Variants in TRAPPC9 observed in about 807,000 individuals in gnomAD.
The protein encoded by TRAPPC9 is IKK2 binding protein.
A neutral mutation model predicts 124.0 loss-of-function variants in TRAPPC9; 83 were observed. The ratio of observed to expected loss-of-function variants is 0.67; its 90% CI spans 0.56 to 0.80. The LOEUF (loss-of-function observed/expected upper bound fraction) is 0.80. Among genes scored for constraint, TRAPPC9 ranks in the 30% least tolerant of loss-of-function variants. TRAPPC9 has a pLI of 0.00. For synonymous variants in TRAPPC9, 638 were observed against 617.5 expected (o/e 1.03, Z -0.49); for missense variants, 1,302 against 1,508.3 (o/e 0.86, Z 2.27).
chr8:140,099,660 G>C (rs900452795), intron 17 of TRAPPC9: 2 of 149,952 alleles, frequency 1.3e-5, no homozygotes, highest in Non-Finnish European at 2.9e-5. Context: ...CTGCAAGGGA[G>C]ACACCCAGCT....
chr8:139,890,834 CTT>C (rs1247043207), intron 20 of TRAPPC9, among the ~76,000 whole-genome samples: 2 of 150,416 alleles, frequency 1.3e-5, no homozygotes, highest in Non-Finnish European at 3.0e-5. Flanking sequence ...TACCCTAAAA[CTT>C]AAAGTATAAT....
At chr8:140,157,351 C>T (rs1333026047) in intron 17 of TRAPPC9, among the ~76,000 whole-genome samples, 1 of 122,874 alleles carries the variant, frequency 8.1e-6, no homozygotes, top group Non-Finnish European at 1.7e-5. Flanking sequence ...CATTCAGAAG[C>T]CTCCCTTTTC....
intron 17 of TRAPPC9, among the ~76,000 whole-genome samples, chr8:140,053,302 C>T (rs1842106942): frequency 6.6e-6 from 1 of 152,200 alleles, no homozygotes; most frequent in African/African-American, 2.4e-5. Context: ...CTACCAGCAC[C>T]AGGATGAGGC....
At chr8:139,877,625 G>A (rs917462953) in intron 21 of TRAPPC9, among the ~76,000 whole-genome samples, 1 of 152,190 alleles carries the variant, frequency 6.6e-6, no homozygotes, top group Non-Finnish European at 1.5e-5. Context: ...CCCAGAAGCA[G>A]GGAGATTCTG....
chr8:140,408,091 T>C (rs531440021), intron 5 of TRAPPC9, among the ~76,000 whole-genome samples: 110 of 152,338 alleles, frequency 7.2e-4, no homozygotes, highest in African/African-American at 2.6e-3. Flanking sequence ...GAAACACTAG[T>C]AAGCCATAGA....
At chr8:140,438,944 C>T (rs1263344494) in intron 3 of TRAPPC9, 108 bp downstream of exon 3, 24 of 1,420,126 alleles carry the variant, frequency 1.7e-5, no homozygotes, top group Non-Finnish European at 5.0e-6. Context: ...CCTGCCGTAG[C>T]CTCCCAAAGT....
At chr8:140,168,711 C>T (rs990228604) in intron 17 of TRAPPC9, among the ~76,000 whole-genome samples, 3 of 152,208 alleles carry the variant, frequency 2.0e-5, no homozygotes, top group Admixed American at 6.5e-5. Flanking sequence ...AGAGGTGGTG[C>T]TGCCTGAGTG....
chr8:140,021,354 C>T (rs145138487), intron 18 of TRAPPC9, among the ~76,000 whole-genome samples: 5 of 152,314 alleles, frequency 3.3e-5, no homozygotes, highest in African/African-American at 1.2e-4. Context: ...TTGCATATAA[C>T]ACAAGAATTT....
At chr8:140,274,499 G>C (rs981047055) in intron 15 of TRAPPC9, among the ~76,000 whole-genome samples, 5 of 152,228 alleles carry the variant, frequency 3.3e-5, no homozygotes, top group African/African-American at 4.8e-5. Context: ...CGGACGCAAA[G>C]CTTCGTGCTT....
intron 21 of TRAPPC9, among the ~76,000 whole-genome samples, chr8:139,862,857 T>C (rs948691437): frequency 5.9e-5 from 9 of 152,190 alleles, no homozygotes. Flanking sequence ...GCCGTGTCCT[T>C]CCCACAGCCT....
At chr8:139,846,173 G>A (rs575390313) in intron 21 of TRAPPC9, among the ~76,000 whole-genome samples, 4 of 152,366 alleles carry the variant, frequency 2.6e-5, no homozygotes, top group Non-Finnish European at 4.4e-5. Flanking sequence ...TCGGCTTGGT[G>A]CCGGAAGCGG....
At chr8:139,835,385 C>A (rs546260979) in intron 21 of TRAPPC9, among the ~76,000 whole-genome samples, 15 of 152,366 alleles carry the variant, frequency 9.8e-5, no homozygotes, top group African/African-American at 3.1e-4. Context: ...CGCTGCTCTG[C>A]GACTCTGCAG....
chr8:140,346,621 T>C (rs1441443494), intron 9 of TRAPPC9, among the ~76,000 whole-genome samples: 2 of 152,188 alleles, frequency 1.3e-5, no homozygotes, highest in Non-Finnish European at 2.9e-5. Flanking sequence ...TCACATAATA[T>C]CAGATCAATA....
At chr8:140,060,715 G>C (rs1005717101) in intron 17 of TRAPPC9, among the ~76,000 whole-genome samples, 4 of 152,246 alleles carry the variant, frequency 2.6e-5, no homozygotes, top group African/African-American at 9.6e-5. Context: ...TTTATTTCTG[G>C]GGGGAGGAAG....
At chr8:139,827,134 T>G (rs1156256466) in intron 21 of TRAPPC9, among the ~76,000 whole-genome samples, 1 of 152,126 alleles carries the variant, frequency 6.6e-6, no homozygotes, top group Admixed American at 6.5e-5. Flanking sequence ...GGGAAGGCAC[T>G]TGCCCCACAG....
chr8:140,282,332 A>T (rs1164407922), intron 14 of TRAPPC9, among the ~76,000 whole-genome samples: 2 of 152,046 alleles, frequency 1.3e-5, no homozygotes, highest in African/African-American at 4.8e-5. Flanking sequence ...GCAAAATCCC[A>T]TCTCTACTAA....
chr8:139,957,234 G>T (rs59638288), intron 19 of TRAPPC9, among the ~76,000 whole-genome samples: 310 of 152,356 alleles, frequency 2.0e-3, no homozygotes, highest in African/African-American at 7.0e-3. Context: ...ACCTGGGAGG[G>T]TGCCATGAGC....
chr8:140,355,560 A>C (rs1404170678), intron 9 of TRAPPC9, among the ~76,000 whole-genome samples: 1 of 152,196 alleles, frequency 6.6e-6, no homozygotes, highest in Non-Finnish European at 1.5e-5. Context: ...GGTAGACCTT[A>C]AAAAGAGAAA....
At chr8:140,294,575 A>C (rs2065753571) in intron 11 of TRAPPC9, among the ~76,000 whole-genome samples, 1 of 152,100 alleles carries the variant, frequency 6.6e-6, no homozygotes, top group Non-Finnish European at 1.5e-5. Flanking sequence ...TAAATCTAAA[A>C]TAAACTGTTG....
Sources: allele counts gnomAD v4.1 joint callset (sites outside exome capture counted in the v4.1 genomes callset), GRCh38; gene constraint gnomAD v4.1.1; transcripts MANE v1.5; gene names NCBI Gene and HGNC (gene_info 2026-07-23, HGNC 2026-07-21).